The following ATP6V0A2 variants were observed in gnomAD, a reference collection of about 807,000 sequenced individuals.
The protein encoded by ATP6V0A2 is V-type proton ATPase 116 kDa subunit a 2.
A neutral mutation model predicts 104.4 loss-of-function variants in ATP6V0A2; 58 were observed. That is an observed-to-expected ratio of 0.56 (90% CI 0.45 to 0.69). The LOEUF is 0.69. Ranked by LOEUF, ATP6V0A2 falls within the 30% of genes least tolerant of loss-of-function variation. The pLI is 0.00. For synonymous variants in ATP6V0A2, 376 were observed against 397.9 expected (o/e 0.95, Z 0.65); for missense variants, 938 against 1,062.9 (o/e 0.88, Z 1.63).
At chr12:123,734,129 T>C in intron 7 of ATP6V0A2, 121 bp downstream of exon 7, 1 of 718,214 alleles carries the variant, frequency 1.4e-6, no homozygotes, top group South Asian at 1.6e-5. Context: ...TATGATTCTT[T>C]GCTGCACTGC....
rs548047973 is a variant in ATP6V0A2, at chr12:123,736,766, G to A, written c.826-293G>A. Among the ~76,000 whole-genome samples, 8 of 152,234 alleles carry A rather than the reference G, an allele frequency of 5.3e-5. No individual in the cohort carries two copies. The East Asian group carries it at 7.7e-4, about 15-fold the overall frequency. ...GATCCTGGTAGGCCATCACGCTGCC[G>A]CAGTGACAATGACGTCTAACCATTT... On this transcript the variant is annotated intron_variant, in intron 8 of 19. Coordinates refer to ENST00000330342, the MANE Select transcript of ATP6V0A2 (RefSeq NM_012463.4).
chr12:123,735,606 C>T lies in ATP6V0A2; in HGVS notation c.807C>T (p.Arg269=), dbSNP rs1308565420. The part of the protein sequence containing the change: ...RREIQEGLNT[R]IQDLYTVLHK... The stretch of plus-strand genomic sequence containing the variant: ...AGATCCAGGAGGGGCTGAACACCCG[C>T]ATCCAGGATCTCTACACTGTGAGTA... The change falls in exon 8 of 20, where the codon CGC becomes CGT. Residue 269 remains arginine (R), a synonymous_variant. Transcript: ENST00000330342. The T allele has an allele frequency of 1.2e-6, 2 of 1,613,444 alleles. No individual in the cohort carries two copies. Among genetic ancestry groups the T allele is most frequent in the South Asian group, 2.2e-5 (2 of 91,030 alleles).
chr12:123,738,471 C>T (rs190232753), intron 9 of ATP6V0A2, among the ~76,000 whole-genome samples: 19 of 151,764 alleles, frequency 1.3e-4, no homozygotes, highest in East Asian at 7.7e-4. Flanking sequence ...CATTTTCCAT[C>T]GTATGTTGGC....
At chr12:123,748,852 T>A in intron 15 of ATP6V0A2, 67 bp downstream of exon 15, 3 of 1,468,278 alleles carry the variant, frequency 2.0e-6, no homozygotes, top group Non-Finnish European at 2.9e-6. Flanking sequence ...TTCTGAGCAG[T>A]AGAAGTGTTG....
At chr12:123,738,716 C>T (rs1314653525) in intron 9 of ATP6V0A2, among the ~76,000 whole-genome samples, 1 of 152,162 alleles carries the variant, frequency 6.6e-6, no homozygotes, top group African/African-American at 2.4e-5. Context: ...GTAATTCTTC[C>T]ATGTTCCTGT....
chr12:123,715,433 G>A (rs1430273626), intron 1 of ATP6V0A2, among the ~76,000 whole-genome samples: 2 of 152,040 alleles, frequency 1.3e-5, no homozygotes, highest in Non-Finnish European at 2.9e-5. Flanking sequence ...CTTTTTTCTG[G>A]TTCTTTTAAA....
In ATP6V0A2 at chr12:123,718,716, T is replaced by C. The variant is rs1404046246; in HGVS notation, c.196+15T>C. 1.3e-6 allele frequency: 2 copies of C among 1,582,886 alleles called. No homozygotes were observed. The highest frequency in any genetic ancestry group is 1.7e-6 in the Non-Finnish European group (2 of 1,153,700). The stretch of plus-strand genomic sequence containing the variant: ...GCGAATATTGGGTAAGTTTATTTTC[T>C]GATTTAACAACTTAAATAATTACCT... On this transcript the variant is annotated intron_variant, in intron 2 of 19. Coordinates refer to ENST00000330342, the MANE Select transcript of ATP6V0A2 (RefSeq NM_012463.4).
chr12:123,749,153 G>T (rs963651890), intron 15 of ATP6V0A2, among the ~76,000 whole-genome samples: 1 of 152,182 alleles, frequency 6.6e-6, no homozygotes, highest in Admixed American at 6.5e-5. Flanking sequence ...TGTCAGGCAT[G>T]ATGGCTGCAC....
At chr12:123,722,489 T>C (rs771860054) in intron 3 of ATP6V0A2, 41 bp downstream of exon 3, 1 of 1,142,436 alleles carries the variant, frequency 8.8e-7, no homozygotes, top group East Asian at 2.3e-5. Flanking sequence ...CCATTGATCT[T>C]GGGGGCTGCT....
At chr12:123,735,899 TCTCG>T (rs1429047608) in intron 8 of ATP6V0A2, among the ~76,000 whole-genome samples, 1 of 152,162 alleles carries the variant, frequency 6.6e-6, no homozygotes, top group African/African-American at 2.4e-5. Flanking sequence ...TCAGACAGGC[TCTCG>T]CTCTGTCGCC....
chr12:123,716,224 G>A (rs1474443520), intron 1 of ATP6V0A2, among the ~76,000 whole-genome samples: 11 of 152,024 alleles, frequency 7.2e-5, no homozygotes, highest in African/African-American at 2.2e-4. Flanking sequence ...GCGCCACCAC[G>A]CCTGGCTAAT....
In ATP6V0A2 at chr12:123,759,539, GTTTGA is replaced by G. The variant is rs1593926125; in HGVS notation, c.*1511_*1515del. ...AATTATGTTAATTTTTCATATTTTA[GTTTGA>G]TTTTAGACAATTATTTTCAAAAAGA... On this transcript the variant is annotated 3_prime_UTR_variant, in exon 20 of 20. Transcript: ENST00000330342. The G allele has an allele frequency of 6.6e-6, 1 of 152,096 alleles. No homozygotes were observed. Among genetic ancestry groups the G allele is most frequent in the East Asian group, 1.9e-4 (1 of 5,196 alleles). The allele number at this position is 152,096 out of a possible 1,614,324, so 9.4% of individuals were successfully genotyped here.
chr12:123,745,293 C>T (rs1424003957), intron 13 of ATP6V0A2, among the ~76,000 whole-genome samples: 4 of 152,126 alleles, frequency 2.6e-5, no homozygotes, highest in African/African-American at 7.2e-5. Context: ...ATTTCTTCCT[C>T]GTATATGTGA....
intron 13 of ATP6V0A2, 102 bp downstream of exon 13, chr12:123,745,074 C>A: frequency 1.7e-6 from 2 of 1,191,390 alleles, no homozygotes; most frequent in Non-Finnish European, 2.5e-6. Context: ...GTTCACGCTG[C>A]CCTGAGCGGG....
intron 14 of ATP6V0A2, 128 bp from the exon 15 acceptor site, chr12:123,748,447 G>A: frequency 1.3e-6 from 1 of 787,252 alleles, no homozygotes; most frequent in Non-Finnish European, 2.2e-6. Flanking sequence ...GATGTATCTG[G>A]ATTCATCATA....
chr12:123,739,873 T>A (rs1956591606), intron 9 of ATP6V0A2, among the ~76,000 whole-genome samples: 1 of 152,252 alleles, frequency 6.6e-6, no homozygotes. Context: ...TCTAATTTTC[T>A]TTTCCTTGTA....
At position 123,727,862 on chromosome 12, in the gene ATP6V0A2, A is replaced by G; in HGVS notation, c.601A>G (p.Ile201Val). 3 of 1,614,250 alleles carry G rather than the reference A, an allele frequency of 1.9e-6. No individual in the cohort carries two copies. Among genetic ancestry groups the G allele is most frequent in the Non-Finnish European group, 8.5e-7 (1 of 1,180,028 alleles). Residue 201 changes from isoleucine to valine, a missense_variant, in exon 6 of 20, where the codon ATC becomes GTC. Physicochemically the swap from Ile to Val is conservative, Grantham distance 29. Coordinates refer to ENST00000330342, the MANE Select transcript of ATP6V0A2 (RefSeq NM_012463.4). ...GTGGAGAGTCTGCAAAGGGTACACC[A>G]TCGTGTCCTATGCAGAACTGGATGA... ...MLWRVCKGYT[I>V]VSYAELDESL...
chr12:123,718,763 G>T, intron 2 of ATP6V0A2, 62 bp downstream of exon 2: 1 of 1,225,972 alleles, frequency 8.2e-7, no homozygotes, highest in South Asian at 1.3e-5. Context: ...AACCTTGTTC[G>T]GTTTAAAAAT....
rs1956300122 is a variant in ATP6V0A2 at position 123,712,367 on chromosome 12, T to G, written c.-199T>G. ...GGCTTGGGGGCGGGACCTCGCGGACTGCTGTGGCGGCAGCTGGAGCGGCGG... is the reference window on the plus strand; with the variant it reads ...GGCTTGGGGGCGGGACCTCGCGGACGGCTGTGGCGGCAGCTGGAGCGGCGG... On this transcript the variant is annotated 5_prime_UTR_variant, in exon 1 of 20. Coordinates refer to ENST00000330342, the MANE Select transcript of ATP6V0A2 (RefSeq NM_012463.4). 3.0e-6 allele frequency: 1 copy of G among 338,220 alleles called. No homozygotes were observed. Among genetic ancestry groups the G allele is most frequent in the Non-Finnish European group, 5.3e-6 (1 of 189,588 alleles). 21.0% of individuals were successfully genotyped at this position (338,220 alleles called of 1,614,324 possible).
Sources: allele counts gnomAD v4.1 joint callset (sites outside exome capture counted in the v4.1 genomes callset), GRCh38; gene constraint gnomAD v4.1.1; transcripts MANE v1.5; gene names NCBI Gene and HGNC (gene_info 2026-07-23, HGNC 2026-07-21).